Variants in C1orf21 observed in about 807,000 individuals in gnomAD.
C1orf21 encodes uncharacterized protein C1orf21.
Under a neutral mutation model 18.7 loss-of-function variants are expected in C1orf21, and 3 were observed. The observed-to-expected ratio is 0.16, with a 90% CI of 0.07 to 0.42. The LOEUF is 0.42. Among genes scored for constraint, C1orf21 ranks in the 10% least tolerant of loss-of-function variants. The pLI, the probability that C1orf21 is intolerant of heterozygous loss-of-function variation, is 0.99. For synonymous variants in C1orf21, 41 were observed against 46.4 expected (o/e 0.88, Z 0.47); for missense variants, 104 against 143.6 (o/e 0.72, Z 1.41).
At chr1:184,602,651 C>T (rs929348686) in intron 5 of C1orf21, among the ~76,000 whole-genome samples, 2 of 152,278 alleles carry the variant, frequency 1.3e-5, no homozygotes, top group East Asian at 3.9e-4. Flanking sequence ...AAGACAGTAT[C>T]TAGATTAAAG....
At chr1:184,474,821 C>T (rs941984979) in intron 1 of C1orf21, among the ~76,000 whole-genome samples, 2 of 152,134 alleles carry the variant, frequency 1.3e-5, no homozygotes, top group Non-Finnish European at 2.9e-5. Flanking sequence ...AGTGTGAAGT[C>T]GTTTTCCCAT....
chr1:184,514,735 CTG>C (rs1481997146), intron 3 of C1orf21, among the ~76,000 whole-genome samples: 1 of 152,172 alleles, frequency 6.6e-6, no homozygotes, highest in Non-Finnish European at 1.5e-5. Flanking sequence ...AATAACCTCC[CTG>C]CTTGTCGATA....
chr1:184,519,315 T>C (rs925636324), intron 3 of C1orf21, among the ~76,000 whole-genome samples: 2 of 152,216 alleles, frequency 1.3e-5, no homozygotes, highest in Admixed American at 6.5e-5. Context: ...CCTGAAACTT[T>C]CCTGTTTAAC....
rs376377232 is a variant in C1orf21 at position 184,525,148 on chromosome 1, A to G, written c.189+17466A>G. Reference sequence around the variant, plus strand: ...AACAGAAAAAAAAAACTCTTGTTTTAAACATAGGGTTAACCATTAAAACCT... The same window carrying G: ...AACAGAAAAAAAAAACTCTTGTTTTGAACATAGGGTTAACCATTAAAACCT... On this transcript the variant is annotated intron_variant, in intron 3 of 5. Coordinates refer to ENST00000235307, the MANE Select transcript of C1orf21 (RefSeq NM_030806.4). 2.8e-4 allele frequency among the ~76,000 whole-genome samples: 43 copies of G among 152,092 alleles called. No individual in the cohort carries two copies. In the East Asian group the frequency reaches 4.4e-3, roughly 16 times the overall value.
At chr1:184,392,647 C>T (rs908578426) in intron 1 of C1orf21, among the ~76,000 whole-genome samples, 1 of 152,074 alleles carries the variant, frequency 6.6e-6, no homozygotes, top group Non-Finnish European at 1.5e-5. Flanking sequence ...GTGCACTGAG[C>T]CCACTCAGGC....
intron 3 of C1orf21, among the ~76,000 whole-genome samples, chr1:184,532,256 C>T (rs1658473998): frequency 6.6e-6 from 1 of 152,112 alleles, no homozygotes; most frequent in East Asian, 1.9e-4. Flanking sequence ...ACCCTCAGTT[C>T]TTTCAACTGT....
chr1:184,466,977 A>T (rs1657408016), intron 1 of C1orf21, among the ~76,000 whole-genome samples: 1 of 152,212 alleles, frequency 6.6e-6, no homozygotes, highest in Non-Finnish European at 1.5e-5. Context: ...TCAGAATTCC[A>T]TTATACTGGT....
chr1:184,479,687 AG>A (rs1278678271), intron 2 of C1orf21, among the ~76,000 whole-genome samples: 2 of 134,628 alleles, frequency 1.5e-5, no homozygotes. Flanking sequence ...TGGTGCGATC[AG>A]GGTTCACTGC....
chr1:184,399,076 G>T (rs1557962056), intron 1 of C1orf21, among the ~76,000 whole-genome samples: 1 of 151,862 alleles, frequency 6.6e-6, no homozygotes, highest in Non-Finnish European at 1.5e-5. Context: ...GCGTTTTTGG[G>T]ATCCAAACAA....
intron 4 of C1orf21, among the ~76,000 whole-genome samples, chr1:184,596,136 CTCTTGTCCCTCTCATGT>C (rs1659509979): frequency 6.6e-6 from 1 of 152,182 alleles, no homozygotes; most frequent in Non-Finnish European, 1.5e-5. Context: ...AAAATGCCCC[CTCTTGTCCCTCTCATGT>C]GCATGTGTAT....
chr1:184,480,042 T>A (rs1487391195), intron 2 of C1orf21, among the ~76,000 whole-genome samples: 1 of 152,138 alleles, frequency 6.6e-6, no homozygotes, highest in East Asian at 1.9e-4. Flanking sequence ...TAGGACTTTG[T>A]AAGAAGATAA....
rs1423669698 is a variant in C1orf21, at chr1:184,539,591, A to G, written c.189+31909A>G. ...TATTTGTTCTTTAAATGTTTGGTAG[A>G]ACTCACCAGTGAAGCAATCAGGCCC... On this transcript the variant is annotated intron_variant, in intron 3 of 5. Coordinates refer to ENST00000235307, the MANE Select transcript of C1orf21 (RefSeq NM_030806.4). Among the ~76,000 whole-genome samples, 3 of 152,228 alleles carry G rather than the reference A, an allele frequency of 2.0e-5. No individual in the cohort carries two copies. The East Asian group carries it at 5.8e-4, about 29-fold the overall frequency.
At chr1:184,418,229 AT>A (rs11373793) in intron 1 of C1orf21, among the ~76,000 whole-genome samples, 12 of 151,586 alleles carry the variant, frequency 7.9e-5, no homozygotes, top group Admixed American at 7.9e-4. Context: ...ACTTCTCTTT[AT>A]TTTTTGGAGA....
intron 1 of C1orf21, among the ~76,000 whole-genome samples, chr1:184,400,343 A>C (rs972509764): frequency 6.6e-6 from 1 of 152,158 alleles, no homozygotes; most frequent in Non-Finnish European, 1.5e-5. Flanking sequence ...TTCAGTGGAC[A>C]GAGTTCAGAA....
At chr1:184,562,857 C>T (rs1346135343) in intron 3 of C1orf21, among the ~76,000 whole-genome samples, 2 of 152,148 alleles carry the variant, frequency 1.3e-5, no homozygotes, top group Non-Finnish European at 2.9e-5. Context: ...TATATTTGCA[C>T]GTGTGCTTAA....
chr1:184,579,011 A>G (rs1659234159), intron 3 of C1orf21, among the ~76,000 whole-genome samples: 1 of 151,124 alleles, frequency 6.6e-6, no homozygotes, highest in African/African-American at 2.4e-5. Context: ...AAAAAAAAAA[A>G]AAAGAACTGA....
chr1:184,579,229 T>G (rs1397998634), intron 3 of C1orf21, among the ~76,000 whole-genome samples: 1 of 150,234 alleles, frequency 6.7e-6, no homozygotes, highest in African/African-American at 2.4e-5. Context: ...TTTTGGTATT[T>G]TTAGTAGAGA....
intron 1 of C1orf21, among the ~76,000 whole-genome samples, chr1:184,390,119 G>C (rs1655948536): frequency 6.6e-6 from 1 of 152,214 alleles, no homozygotes; most frequent in Non-Finnish European, 1.5e-5. Context: ...AAACCTCACT[G>C]TCTTATGATA....
chr1:184,565,300 TCTTA>T (rs1328919905), intron 3 of C1orf21, among the ~76,000 whole-genome samples: 1 of 152,232 alleles, frequency 6.6e-6, no homozygotes, highest in African/African-American at 2.4e-5. Flanking sequence ...ACTTGCACTA[TCTTA>T]CTTAATCTCA....
Sources: gnomAD v4.1 joint callset for allele counts (sites outside exome capture counted in the v4.1 genomes callset) on GRCh38, gnomAD v4.1.1 for gene constraint, MANE v1.5 for transcripts, NCBI Gene and HGNC (gene_info 2026-07-23, HGNC 2026-07-21) for gene names.